ABCA12: variants seen among roughly 807,000 people sequenced by gnomAD.
ABCA12 encodes ATP binding cassette subfamily A member 12, also known as glucosylceramide transporter ABCA12.
In ABCA12, 156 loss-of-function variants were observed where a neutral mutation model predicts 293.5. The observed-to-expected ratio is 0.53, with a 90% CI of 0.47 to 0.61. The LOEUF (loss-of-function observed/expected upper bound fraction) is 0.61, where lower values mean the gene tolerates loss of function less well. ABCA12 is among the 20% of genes least tolerant of loss of function. The pLI is 0.00. For missense variants in ABCA12, 2,797 were observed against 3,090.2 expected, an observed-to-expected ratio of 0.91 and a Z score of 2.25; for synonymous variants, 1,063 against 1,108.0, an observed-to-expected ratio of 0.96 and a Z score of 0.81.
rs925779533 is a variant in ABCA12, at chr2:215,026,758, C to CACT, written c.1180+59_1180+61dup. Reference sequence around the variant, plus strand: ...TGTGTAAGCAAATGCCTCAAAAACTCACTACTTTAGAACAGAGGTAGAAAC... The same window carrying CACT: ...TGTGTAAGCAAATGCCTCAAAAACTCACTACTACTTTAGAACAGAGGTAGAAAC... On this transcript the variant is annotated intron_variant, in intron 10 of 52. Coordinates refer to ENST00000272895, the MANE Select transcript of ABCA12 (RefSeq NM_173076.3). 3.2e-5 allele frequency: 44 copies of CACT among 1,394,438 alleles called. 1 individual carries two copies. In the African/African-American group the frequency reaches 5.4e-4, roughly 17 times the overall value. The allele number at this position is 1,394,438 out of a possible 1,614,324, so 86.4% of individuals were successfully genotyped here. A position where few individuals can be genotyped will look rare whatever the true frequency, so the allele number is the denominator to read the frequency against.
intron 2 of ABCA12, among the ~76,000 whole-genome samples, chr2:215,070,089 G>T (rs1399049670): frequency 6.6e-6 from 1 of 152,150 alleles, no homozygotes; most frequent in African/African-American, 2.4e-5. Context: ...GTTATAGTAA[G>T]TTCAAGGGAT....
At chr2:215,095,923 C>CT (rs139636188) in intron 2 of ABCA12, among the ~76,000 whole-genome samples, 8,380 of 152,230 alleles carry the variant, frequency 0.055, 749 homozygotes, top group African/African-American at 0.19. Context: ...CCCTATCTTC[C>CT]TTTGCTGACT....
chr2:214,950,501 A>G (rs978739050), intron 45 of ABCA12, among the ~76,000 whole-genome samples: 2 of 102,826 alleles, frequency 1.9e-5, no homozygotes, highest in African/African-American at 7.6e-5. Context: ...TTGTGGGAAA[A>G]TAATTAAGAT....
intron 1 of ABCA12, among the ~76,000 whole-genome samples, chr2:215,118,350 C>T (rs913916758): frequency 2.0e-5 from 3 of 151,772 alleles, no homozygotes; most frequent in Non-Finnish European, 4.4e-5. Flanking sequence ...TGCAGCGAGC[C>T]GAGATCTTGC....
At chr2:214,978,672 C>T in intron 32 of ABCA12, 132 bp downstream of exon 32, 5 of 1,150,146 alleles carry the variant, frequency 4.3e-6, no homozygotes, top group Non-Finnish European at 5.1e-6. Context: ...AAGAATAGTA[C>T]TGAAAAAATG....
intron 2 of ABCA12, among the ~76,000 whole-genome samples, chr2:215,085,872 T>C (rs560866296): frequency 1.3e-5 from 2 of 152,294 alleles, no homozygotes; most frequent in African/African-American, 4.8e-5. Context: ...AAGAGTCAAA[T>C]AATGTTATGT....
At chr2:214,971,345 C>T (rs572680128) in intron 36 of ABCA12, among the ~76,000 whole-genome samples, 3 of 152,190 alleles carry the variant, frequency 2.0e-5, no homozygotes, top group South Asian at 2.1e-4. Context: ...CTTATGTATT[C>T]GTGTAATTTT....
chr2:214,955,436 C>G (rs993837749), intron 42 of ABCA12, 75 bp from the exon 43 acceptor site: 11 of 1,448,296 alleles, frequency 7.6e-6, no homozygotes, highest in African/African-American at 4.2e-5. Flanking sequence ...AATCCTAACA[C>G]TTTAGGAGGC....
chr2:214,996,090 A>G (rs1359328416), intron 23 of ABCA12, among the ~76,000 whole-genome samples: 3 of 152,198 alleles, frequency 2.0e-5, no homozygotes, highest in Non-Finnish European at 4.4e-5. Flanking sequence ...AGGTGGTTAA[A>G]TTTCAAAGGT....
At chr2:215,057,873 A>G (rs901607900) in intron 3 of ABCA12, among the ~76,000 whole-genome samples, 1 of 152,038 alleles carries the variant, frequency 6.6e-6, no homozygotes, top group Non-Finnish European at 1.5e-5. Flanking sequence ...CCACAGCCCC[A>G]AAGTTATCAT....
chr2:215,092,558 C>T (rs1277557950), intron 2 of ABCA12, among the ~76,000 whole-genome samples: 1 of 152,030 alleles, frequency 6.6e-6, no homozygotes, highest in East Asian at 1.9e-4. Context: ...TCACCCTTAC[C>T]CCACTCAATG....
At chr2:215,090,652 C>T (rs755531185) in intron 2 of ABCA12, among the ~76,000 whole-genome samples, 6 of 152,098 alleles carry the variant, frequency 3.9e-5, no homozygotes, top group Admixed American at 6.6e-5. Context: ...GGATGCCTGC[C>T]TGATTATTCT....
chr2:215,093,816 C>T (rs972580703), intron 2 of ABCA12, among the ~76,000 whole-genome samples: 5 of 152,132 alleles, frequency 3.3e-5, no homozygotes, highest in Non-Finnish European at 7.4e-5. Flanking sequence ...GACTTCAATC[C>T]GGCCTCCCAC....
Position 215,064,213 on chromosome 2 carries a change from A to G in ABCA12, c.170T>C (p.Leu57Pro), listed in dbSNP as rs1701593537. 1.2e-6 allele frequency: 2 copies of G among 1,612,226 alleles called. No homozygotes were observed. Among genetic ancestry groups the G allele is most frequent in the Non-Finnish European group, 1.7e-6 (2 of 1,178,912 alleles). ...FPPTAKPTCYLAPRNLPSTGF... is the reference protein window; with the variant it reads ...FPPTAKPTCYPAPRNLPSTGF... ...AGTACTAGGAAGGTTTCGAGGTGCG[A>G]GGTAACCTAAAATTAAAAAAACAGT... is the stretch of plus-strand genomic sequence containing the variant. The change falls in exon 3 of 53, where the codon CTC becomes CCC. Residue 57 changes from leucine to proline, a missense_variant. Leu to Pro is a moderately conservative substitution (Grantham distance 98). Transcript: ENST00000272895.
At chr2:215,128,537 T>C (rs2105914940) in intron 1 of ABCA12, among the ~76,000 whole-genome samples, 1 of 150,436 alleles carries the variant, frequency 6.6e-6, no homozygotes, top group South Asian at 2.1e-4. Context: ...GGATTAATTC[T>C]AAGACCTTGT....
chr2:215,110,140 A>C (rs1321721160), intron 2 of ABCA12, among the ~76,000 whole-genome samples: 1 of 152,214 alleles, frequency 6.6e-6, no homozygotes, highest in African/African-American at 2.4e-5. Flanking sequence ...AAGAGAGCAA[A>C]ATTATGCTGT....
intron 1 of ABCA12, among the ~76,000 whole-genome samples, chr2:215,121,101 T>A (rs1702796160): frequency 1.3e-5 from 2 of 152,186 alleles, no homozygotes; most frequent in Non-Finnish European, 2.9e-5. Context: ...CATAATAACC[T>A]CCCTTCCTCT....
chr2:215,075,472 A>C, intron 2 of ABCA12: 1 of 663,862 alleles, frequency 1.5e-6, no homozygotes, highest in Non-Finnish European at 2.7e-6. Context: ...AGCGAGAGTC[A>C]AAAAGCATCC....
chr2:214,942,049 A>C (rs1216428600), intron 50 of ABCA12, among the ~76,000 whole-genome samples: 1 of 152,186 alleles, frequency 6.6e-6, no homozygotes, highest in Admixed American at 6.5e-5. Context: ...GTTTCTTCAT[A>C]GTGTTGATGG....
Sources: allele counts gnomAD v4.1 joint callset (sites outside exome capture counted in the v4.1 genomes callset), GRCh38; gene constraint gnomAD v4.1.1; transcripts MANE v1.5; gene names NCBI Gene and HGNC (gene_info 2026-07-23, HGNC 2026-07-21).